The following SLC71A1 variants were observed in gnomAD, a reference collection of about 807,000 sequenced individuals.
SLC71A1 encodes the protein solute carrier family 71 member 1.
chr1:100,043,121 A>G, the SLC71A1 span: 1 of 984,908 alleles, frequency 1.0e-6, no homozygotes, highest in Non-Finnish European at 1.2e-6. Context: ...AGACTTGCAT[A>G]CCAACATAAT....
the SLC71A1 span, among the ~76,000 whole-genome samples, chr1:100,064,851 G>A: frequency 6.6e-6 from 1 of 150,954 alleles, no homozygotes; most frequent in Non-Finnish European, 1.5e-5. Flanking sequence ...AGCCTCCAAA[G>A]CAGTTGGGAC....
the SLC71A1 span, among the ~76,000 whole-genome samples, chr1:100,045,129 A>C: frequency 1.6e-4 from 24 of 152,356 alleles, no homozygotes; most frequent in East Asian, 4.0e-3. Context: ...CTTCCCTTCC[A>C]TGAACATGGG....
At chr1:100,082,133 GCA>G in the SLC71A1 span, 1 of 1,614,156 alleles carries the variant, frequency 6.2e-7, no homozygotes, top group Non-Finnish European at 8.5e-7. Context: ...AAGCACTGTG[GCA>G]GTCACAGCCA....
chr1:100,067,401 T>C, the SLC71A1 span, among the ~76,000 whole-genome samples: 3 of 152,186 alleles, frequency 2.0e-5, no homozygotes, highest in Admixed American at 2.0e-4. Flanking sequence ...CACACCAGCA[T>C]GCCCAGCTAA....
the SLC71A1 span, among the ~76,000 whole-genome samples, chr1:100,038,820 T>A: frequency 6.6e-6 from 1 of 152,244 alleles, no homozygotes; most frequent in Non-Finnish European, 1.5e-5. Context: ...TCGCTTTCTG[T>A]TTCCACGTCT....
chr1:100,057,924 G>T, the SLC71A1 span: 1 of 152,322 alleles, frequency 6.6e-6, no homozygotes. Flanking sequence ...CAGGAACTCA[G>T]TTGCCTCATA....
chr1:100,061,485 G>T, the SLC71A1 span, among the ~76,000 whole-genome samples: 1 of 152,236 alleles, frequency 6.6e-6, no homozygotes, highest in South Asian at 2.1e-4. Context: ...TAGTGTTGTG[G>T]TGAAAAACAG....
At chr1:100,046,123 A>G in the SLC71A1 span, among the ~76,000 whole-genome samples, 1 of 143,550 alleles carries the variant, frequency 7.0e-6, no homozygotes, top group Non-Finnish European at 1.5e-5. Flanking sequence ...TTGTCTATGT[A>G]TCTGTTTTTA....
the SLC71A1 span, among the ~76,000 whole-genome samples, chr1:100,074,388 A>G: frequency 6.6e-6 from 1 of 152,170 alleles, no homozygotes; most frequent in Admixed American, 6.5e-5. Flanking sequence ...CAGCCTGGCC[A>G]ACATGGTGAA....
chr1:100,080,875 A>T, the SLC71A1 span, among the ~76,000 whole-genome samples: 3 of 152,234 alleles, frequency 2.0e-5, no homozygotes, highest in Non-Finnish European at 4.4e-5. Context: ...AATTTTAAGT[A>T]CCTAGTTTGT....
At chr1:100,042,629 C>CA in the SLC71A1 span, among the ~76,000 whole-genome samples, 1 of 150,618 alleles carries the variant, frequency 6.6e-6, no homozygotes, top group South Asian at 2.1e-4. Context: ...TCTTTTGAGA[C>CA]AGAGTTTTGC....
chr1:100,081,960 A>T, the SLC71A1 span: 2 of 1,477,316 alleles, frequency 1.4e-6, no homozygotes, highest in Non-Finnish European at 1.9e-6. Context: ...CTTATGAGTA[A>T]AAGTATTTGT....
chr1:100,070,418 G>A, the SLC71A1 span, among the ~76,000 whole-genome samples: 1 of 152,182 alleles, frequency 6.6e-6, no homozygotes, highest in Non-Finnish European at 1.5e-5. Flanking sequence ...AAGTCCAAGA[G>A]GTAGTGAGGG....
chr1:100,076,509 C>A, the SLC71A1 span, among the ~76,000 whole-genome samples: 1 of 152,132 alleles, frequency 6.6e-6, no homozygotes, highest in Non-Finnish European at 1.5e-5. Flanking sequence ...GTAAATATAT[C>A]TCATTTAATT....
the SLC71A1 span, chr1:100,078,457 G>T: frequency 6.2e-7 from 1 of 1,609,186 alleles, no homozygotes; most frequent in South Asian, 1.1e-5. Context: ...ATAGGATGAT[G>T]TGGGCTGCTG....
chr1:100,059,145 T>TTTTTTTTTTTTTG, the SLC71A1 span, among the ~76,000 whole-genome samples: 272 of 89,496 alleles, frequency 3.0e-3, 10 homozygotes, highest in African/African-American at 0.016. Flanking sequence ...CTTTTTCGTG[T>TTTTTTTTTTTTTG]TTTTTTTTTT....
chr1:100,071,410 G>A, the SLC71A1 span, among the ~76,000 whole-genome samples: 1 of 151,992 alleles, frequency 6.6e-6, no homozygotes, highest in Admixed American at 6.6e-5. Context: ...GGTCGAGGGT[G>A]CAGTGAGCCA....
chr1:100,052,233 G>A, the SLC71A1 span, among the ~76,000 whole-genome samples: 1 of 152,086 alleles, frequency 6.6e-6, no homozygotes, highest in African/African-American at 2.4e-5. Context: ...TATTTCAAGT[G>A]TGTATAGCTA....
At chr1:100,070,887 G>A in the SLC71A1 span, among the ~76,000 whole-genome samples, 3 of 151,910 alleles carry the variant, frequency 2.0e-5, no homozygotes, top group Admixed American at 6.6e-5. Flanking sequence ...ACCATTTCTC[G>A]AGTAGGATTC....
Sources: gnomAD v4.1 joint callset for allele counts (sites outside exome capture counted in the v4.1 genomes callset) on GRCh38, gnomAD v4.1.1 for gene constraint, MANE v1.5 for transcripts, NCBI Gene and HGNC (gene_info 2026-07-23, HGNC 2026-07-21) for gene names.